Variants in DRC8 observed in about 807,000 individuals in gnomAD.
The protein encoded by DRC8 is dynein regulatory complex subunit 8.
chr1:245,112,807 G>A, the DRC8 span, among the ~76,000 whole-genome samples: 1 of 150,522 alleles, frequency 6.6e-6, no homozygotes, highest in Non-Finnish European at 1.5e-5. Flanking sequence ...AGGCTGGAGT[G>A]CAGTGGCACG....
chr1:245,010,088 T>G, the DRC8 span, among the ~76,000 whole-genome samples: 1 of 151,674 alleles, frequency 6.6e-6, no homozygotes, highest in Non-Finnish European at 1.5e-5. Context: ...CTCACACTTC[T>G]GACCTCAAGT....
chr1:245,007,795 G>A, the DRC8 span, among the ~76,000 whole-genome samples: 2 of 152,082 alleles, frequency 1.3e-5, no homozygotes, highest in East Asian at 1.9e-4. Context: ...ACGGGAGAAT[G>A]AGCAGCCAGT....
chr1:245,086,999 G>A, the DRC8 span: 2 of 576,526 alleles, frequency 3.5e-6, no homozygotes, highest in Non-Finnish European at 6.3e-6. Context: ...CTGAAATGAC[G>A]TGTTCTAGAG....
the DRC8 span, chr1:245,122,796 GATTCTAGT>G: frequency 1.3e-5 from 2 of 152,158 alleles, no homozygotes; most frequent in African/African-American, 4.8e-5. Context: ...CAATTCAATG[GATTCTAGT>G]ATCTTCACAG....
At chr1:245,031,979 G>A in the DRC8 span, among the ~76,000 whole-genome samples, 1 of 152,206 alleles carries the variant, frequency 6.6e-6, no homozygotes, top group African/African-American at 2.4e-5. Context: ...TTGCAGAAAG[G>A]TAGGGGTTAG....
At chr1:244,988,846 A>T in the DRC8 span, among the ~76,000 whole-genome samples, 1 of 152,202 alleles carries the variant, frequency 6.6e-6, no homozygotes, top group African/African-American at 2.4e-5. Context: ...CCTCAAAACA[A>T]CCTTGTCAGC....
chr1:245,095,502 G>C, the DRC8 span, among the ~76,000 whole-genome samples: 1 of 152,138 alleles, frequency 6.6e-6, no homozygotes. Flanking sequence ...TGAGTGACTG[G>C]ATAGTATCTT....
the DRC8 span, chr1:245,002,183 A>G: frequency 6.2e-7 from 1 of 1,610,686 alleles, no homozygotes; most frequent in Non-Finnish European, 8.5e-7. Context: ...ATCTAATGGA[A>G]GGTGGAAGAA....
the DRC8 span, among the ~76,000 whole-genome samples, chr1:245,106,947 G>A: frequency 6.6e-6 from 1 of 152,226 alleles, no homozygotes; most frequent in Non-Finnish European, 1.5e-5. Context: ...GGGAGGCTGA[G>A]GCAGGAGAAT....
At chr1:245,118,795 A>AAAAAGAAAAGAAAAG in the DRC8 span, among the ~76,000 whole-genome samples, 31,691 of 138,180 alleles carry the variant, frequency 0.23, 4,196 homozygotes, top group East Asian at 0.4. Flanking sequence ...GCCATCTCAA[A>AAAAAGAAAAGAAAAG]AAAAGAAAAG....
At chr1:245,024,027 A>G in the DRC8 span, among the ~76,000 whole-genome samples, 4 of 152,048 alleles carry the variant, frequency 2.6e-5, no homozygotes, top group Non-Finnish European at 4.4e-5. Flanking sequence ...AAAATTAGCC[A>G]TGCATGATGG....
the DRC8 span, among the ~76,000 whole-genome samples, chr1:245,111,579 C>A: frequency 1.3e-5 from 2 of 152,326 alleles, no homozygotes; most frequent in East Asian, 1.9e-4. Flanking sequence ...TGCCTCCTTT[C>A]TTTGTCTGTC....
chr1:245,085,467 T>C, the DRC8 span, among the ~76,000 whole-genome samples: 2 of 152,136 alleles, frequency 1.3e-5, no homozygotes, highest in Admixed American at 6.5e-5. Context: ...TATCGATGTG[T>C]AAAACAGTCT....
the DRC8 span, chr1:245,017,151 A>G: frequency 8.4e-7 from 1 of 1,195,590 alleles, no homozygotes; most frequent in Non-Finnish European, 1.2e-6. Context: ...TCATATGCTT[A>G]CTTATTAAGA....
chr1:245,086,989 C>G, the DRC8 span: 1 of 563,796 alleles, frequency 1.8e-6, no homozygotes, highest in South Asian at 1.9e-5. Flanking sequence ...ACTGTTTTGC[C>G]TGAAATGACG....
the DRC8 span, among the ~76,000 whole-genome samples, chr1:244,980,841 T>C: frequency 2.6e-5 from 4 of 152,246 alleles, no homozygotes; most frequent in Admixed American, 2.6e-4. Flanking sequence ...CTGTAAGTGG[T>C]TGTAGTCTTG....
chr1:245,112,866 G>A, the DRC8 span, among the ~76,000 whole-genome samples: 4 of 151,574 alleles, frequency 2.6e-5, no homozygotes, highest in Non-Finnish European at 5.9e-5. Flanking sequence ...CAGTTCTCCT[G>A]CCTCAGCCTC....
chr1:245,018,043 A>G, the DRC8 span, among the ~76,000 whole-genome samples: 1 of 152,092 alleles, frequency 6.6e-6, no homozygotes, highest in Non-Finnish European at 1.5e-5. Flanking sequence ...CCTGACCAAC[A>G]TGGTGAAACT....
chr1:244,991,061 A>G, the DRC8 span, among the ~76,000 whole-genome samples: 1 of 152,170 alleles, frequency 6.6e-6, no homozygotes, highest in Non-Finnish European at 1.5e-5. Flanking sequence ...CTGCTGATTA[A>G]AGGTAGTGGA....
Sources: allele counts gnomAD v4.1 joint callset (sites outside exome capture counted in the v4.1 genomes callset), GRCh38; gene constraint gnomAD v4.1.1; transcripts MANE v1.5; gene names NCBI Gene and HGNC (gene_info 2026-07-23, HGNC 2026-07-21).